The following PLXDC2 variants were observed in gnomAD, a reference collection of about 807,000 sequenced individuals.
The protein encoded by PLXDC2 is plexin domain containing 2.
In PLXDC2, 40 loss-of-function variants were observed where a neutral mutation model predicts 68.9. The observed-to-expected ratio is 0.58, with a 90% CI of 0.45 to 0.76. PLXDC2 has a LOEUF of 0.76. PLXDC2 is among the 30% of genes least tolerant of loss of function. PLXDC2 has a pLI of 0.00. For missense variants in PLXDC2, 644 were observed against 661.9 expected (o/e 0.97, Z 0.30); for synonymous variants, 243 against 234.2 (o/e 1.04, Z -0.34).
intron 4 of PLXDC2, among the ~76,000 whole-genome samples, chr10:20,126,279 A>G (rs1209337498): frequency 6.8e-6 from 1 of 146,996 alleles, no homozygotes; most frequent in Non-Finnish European, 1.5e-5. Context: ...ACATATATAC[A>G]TATACGTTAT....
chr10:20,159,037 T>C (rs1179073580), intron 6 of PLXDC2, among the ~76,000 whole-genome samples: 1 of 152,032 alleles, frequency 6.6e-6, no homozygotes, highest in South Asian at 2.1e-4. Context: ...GACAAAAGAG[T>C]ACAGTTTTAG....
chr10:19,856,072 G>A (rs1026642445), intron 1 of PLXDC2, among the ~76,000 whole-genome samples: 3 of 152,104 alleles, frequency 2.0e-5, no homozygotes, highest in African/African-American at 7.2e-5. Context: ...TCCAGGCTGG[G>A]TGATAGAGTA....
chr10:20,209,205 C>T (rs1458127612), intron 9 of PLXDC2, among the ~76,000 whole-genome samples: 8 of 152,106 alleles, frequency 5.3e-5, no homozygotes, highest in Non-Finnish European at 1.0e-4. Flanking sequence ...GGGAGTGCTA[C>T]GGGAGACTGG....
At chr10:20,234,272 G>A (rs1835403119) in intron 12 of PLXDC2, among the ~76,000 whole-genome samples, 1 of 152,164 alleles carries the variant, frequency 6.6e-6, no homozygotes, top group South Asian at 2.1e-4. Flanking sequence ...TGCAAAGATG[G>A]TTTGGTGGAA....
At chr10:20,095,105 A>G (rs1174542172) in intron 4 of PLXDC2, among the ~76,000 whole-genome samples, 1 of 152,216 alleles carries the variant, frequency 6.6e-6, no homozygotes, top group Non-Finnish European at 1.5e-5. Flanking sequence ...TTAATTTTAG[A>G]ATATATTTTA....
At chr10:19,983,187 A>G (rs936065739) in intron 1 of PLXDC2, among the ~76,000 whole-genome samples, 1 of 152,166 alleles carries the variant, frequency 6.6e-6, no homozygotes, top group Admixed American at 6.5e-5. Context: ...GAATCACTTG[A>G]TACTTCTAAT....
rs1836069229 is a variant in PLXDC2, at chr10:20,280,592, A to G, written c.*773A>G. ...TTTCTGTTTTCCTGCCTCAGCATGA[A>G]AACATCTGATTTATGCTTTATGGAA... On this transcript the variant is annotated 3_prime_UTR_variant, in exon 14 of 14. Coordinates refer to ENST00000377252, the MANE Select transcript of PLXDC2 (RefSeq NM_032812.9). 1 of 152,120 alleles carries G rather than the reference A, an allele frequency of 6.6e-6. No homozygotes were observed. The highest frequency in any genetic ancestry group is 1.5e-5 in the Non-Finnish European group (1 of 68,024). 9.4% of individuals were successfully genotyped at this position (152,120 alleles called of 1,614,324 possible).
At chr10:19,994,474 A>C (rs1834809577) in intron 1 of PLXDC2, among the ~76,000 whole-genome samples, 1 of 150,772 alleles carries the variant, frequency 6.6e-6, no homozygotes, top group Non-Finnish European at 1.5e-5. Flanking sequence ...GACTGCAGGC[A>C]CACACCACCA....
chr10:19,843,622 A>G (rs1398063381), intron 1 of PLXDC2, among the ~76,000 whole-genome samples: 3 of 152,242 alleles, frequency 2.0e-5, no homozygotes, highest in Non-Finnish European at 4.4e-5. Context: ...TTGCAACAAC[A>G]TGAATAGAAC....
intron 4 of PLXDC2, among the ~76,000 whole-genome samples, chr10:20,107,617 C>G (rs1833508875): frequency 6.6e-6 from 1 of 152,124 alleles, no homozygotes; most frequent in African/African-American, 2.4e-5. Context: ...CTGTCAGAAT[C>G]TATCTCCTAA....
intron 4 of PLXDC2, 107 bp from the exon 5 acceptor site, chr10:20,143,188 T>C (rs1166748072): frequency 1.7e-6 from 2 of 1,184,284 alleles, no homozygotes; most frequent in Admixed American, 2.5e-5. Context: ...CCAGCTACCA[T>C]GACATTTTAT....
chr10:19,832,493 T>C (rs1232285701), intron 1 of PLXDC2, among the ~76,000 whole-genome samples: 1 of 152,244 alleles, frequency 6.6e-6, no homozygotes, highest in Non-Finnish European at 1.5e-5. Context: ...CACATGTCTG[T>C]GTGATGTGTG....
At chr10:20,124,041 G>C (rs1004449582) in intron 4 of PLXDC2, among the ~76,000 whole-genome samples, 1 of 152,018 alleles carries the variant, frequency 6.6e-6, no homozygotes, top group Admixed American at 6.6e-5. Context: ...TAGAGACACG[G>C]AGAGAAGGGG....
intron 12 of PLXDC2, among the ~76,000 whole-genome samples, chr10:20,224,419 A>T (rs542743939): frequency 9.9e-5 from 15 of 152,278 alleles, no homozygotes; most frequent in East Asian, 5.8e-4. Context: ...TTATATTTTT[A>T]AAAAAATGAC....
chr10:19,886,564 A>T (rs1359412672), intron 1 of PLXDC2, among the ~76,000 whole-genome samples: 1 of 152,242 alleles, frequency 6.6e-6, no homozygotes, highest in Non-Finnish European at 1.5e-5. Context: ...GGCCTTTGAC[A>T]AAATTCAACA....
chr10:19,964,610 G>A (rs567554038), intron 1 of PLXDC2, among the ~76,000 whole-genome samples: 28 of 152,304 alleles, frequency 1.8e-4, no homozygotes, highest in Non-Finnish European at 3.5e-4. Flanking sequence ...TGCTTATGCA[G>A]TTTCTCTGGC....
At position 20,047,035 on chromosome 10, in the gene PLXDC2, G is replaced by T; in HGVS notation, c.471+20G>T. Reference sequence around the variant, plus strand: ...GCTGCAGTAAGTGTTTGGACATTCAGGGTTCATTTTACCTACTGTGAAAAA... The same window carrying T: ...GCTGCAGTAAGTGTTTGGACATTCATGGTTCATTTTACCTACTGTGAAAAA... On this transcript the variant is annotated intron_variant, in intron 3 of 13. Transcript: ENST00000377252. 6.4e-7 allele frequency: 1 copy of T among 1,563,510 alleles called. No homozygotes were observed. Among genetic ancestry groups the T allele is most frequent in the South Asian group, 1.2e-5 (1 of 83,046 alleles).
At chr10:20,220,364 A>C (rs1835193286) in intron 12 of PLXDC2, among the ~76,000 whole-genome samples, 2 of 152,158 alleles carry the variant, frequency 1.3e-5, no homozygotes, top group Admixed American at 6.5e-5. Flanking sequence ...ATGGGGTATA[A>C]AGTTAATGGA....
intron 4 of PLXDC2, among the ~76,000 whole-genome samples, chr10:20,139,846 G>T (rs1299130210): frequency 1.3e-5 from 2 of 149,176 alleles, no homozygotes; most frequent in Admixed American, 6.7e-5. Flanking sequence ...ACACACGGGG[G>T]CCGGTCAGGG....
Sources: gnomAD v4.1 joint callset for allele counts (sites outside exome capture counted in the v4.1 genomes callset) on GRCh38, gnomAD v4.1.1 for gene constraint, MANE v1.5 for transcripts, NCBI Gene and HGNC (gene_info 2026-07-23, HGNC 2026-07-21) for gene names.